The following OR1B1 variants were observed in gnomAD, a reference collection of about 807,000 sequenced individuals.
The protein encoded by OR1B1 is olfactory receptor family 1 subfamily B member 1.
For missense variants in OR1B1, 414 were observed against 402.1 expected (o/e 1.03, Z -0.25); for synonymous variants, 168 against 156.2 (o/e 1.08, Z -0.57).
chr9:122,647,820 G>T, the OR1B1 span, among the ~76,000 whole-genome samples: 1 of 152,206 alleles, frequency 6.6e-6, no homozygotes, highest in African/African-American at 2.4e-5. Context: ...AAGCACTCAA[G>T]AAAGAATGGC....
the OR1B1 span, among the ~76,000 whole-genome samples, chr9:122,654,142 T>C: frequency 3.4e-4 from 51 of 152,194 alleles, no homozygotes; most frequent in Non-Finnish European, 6.2e-4. Context: ...TAAATAATTA[T>C]GTACCTAATG....
the OR1B1 span, chr9:122,637,325 C>T: frequency 3.3e-5 from 5 of 152,174 alleles, no homozygotes; most frequent in Non-Finnish European, 5.9e-5. Context: ...CATTTGAGAC[C>T]ACCTATAGGT....
chr9:122,656,499 A>G, the OR1B1 span, among the ~76,000 whole-genome samples: 1 of 151,922 alleles, frequency 6.6e-6, no homozygotes, highest in Non-Finnish European at 1.5e-5. Context: ...AAAAAAAAAA[A>G]TGAGTCTGAC....
At chr9:122,632,538 G>T (rs534823885), upstream of OR1B1, among the ~76,000 whole-genome samples, 2 of 152,254 alleles carry the variant, frequency 1.3e-5, no homozygotes, top group East Asian at 1.9e-4. Context: ...AGTATACACA[G>T]CACCCAATTT....
chr9:122,645,254 A>G, the OR1B1 span, among the ~76,000 whole-genome samples: 1 of 152,044 alleles, frequency 6.6e-6, no homozygotes, highest in Non-Finnish European at 1.5e-5. Context: ...AGACAAAAGA[A>G]AAAAAAACAG....
At chr9:122,632,946 T>C (rs1186942879), upstream of OR1B1, among the ~76,000 whole-genome samples, 3 of 152,136 alleles carry the variant, frequency 2.0e-5, no homozygotes, top group African/African-American at 4.8e-5. Context: ...CTCACAATCA[T>C]GGCAGAAGTT....
At chr9:122,644,563 A>G in the OR1B1 span, among the ~76,000 whole-genome samples, 1 of 152,230 alleles carries the variant, frequency 6.6e-6, no homozygotes, top group African/African-American at 2.4e-5. Flanking sequence ...CCCTTGGCAC[A>G]ATCCCAGTGG....
At chr9:122,651,506 C>G in the OR1B1 span, among the ~76,000 whole-genome samples, 1 of 152,076 alleles carries the variant, frequency 6.6e-6, no homozygotes, top group African/African-American at 2.4e-5. Flanking sequence ...GTCCTCTGTT[C>G]TACTTTTTAT....
At chr9:122,656,458 C>T in the OR1B1 span, among the ~76,000 whole-genome samples, 10 of 151,920 alleles carry the variant, frequency 6.6e-5, no homozygotes, top group Admixed American at 5.9e-4. Flanking sequence ...GCTGTTATTG[C>T]AGGAATTATC....
chr9:122,641,679 T>C, the OR1B1 span, among the ~76,000 whole-genome samples: 1 of 152,176 alleles, frequency 6.6e-6, no homozygotes, highest in Non-Finnish European at 1.5e-5. Flanking sequence ...TCAAGAGACC[T>C]TTTATACAAC....
At chr9:122,629,345 A>G in exon 1 of OR1B1, 1 of 1,614,150 alleles carries the variant, frequency 6.2e-7, no homozygotes, top group South Asian at 1.1e-5. Flanking sequence ...GCCACGAAGC[A>G]GATAATACAT....
chr9:122,638,441 T>A, the OR1B1 span, among the ~76,000 whole-genome samples: 1 of 152,198 alleles, frequency 6.6e-6, no homozygotes, highest in Non-Finnish European at 1.5e-5. Flanking sequence ...ATAAGACTTT[T>A]ATTTTCTAGT....
At chr9:122,649,591 T>C in the OR1B1 span, among the ~76,000 whole-genome samples, 1,011 of 152,254 alleles carry the variant, frequency 6.6e-3, 13 homozygotes, top group African/African-American at 0.023. Flanking sequence ...GGGCAAAGGA[T>C]ATAAGCAGAC....
At chr9:122,654,180 A>G in the OR1B1 span, among the ~76,000 whole-genome samples, 2 of 152,238 alleles carry the variant, frequency 1.3e-5, no homozygotes, top group East Asian at 3.8e-4. Context: ...AGGATAAAAG[A>G]TAAGACATAA....
chr9:122,655,453 T>A, the OR1B1 span, among the ~76,000 whole-genome samples: 133 of 152,068 alleles, frequency 8.7e-4, no homozygotes, highest in African/African-American at 3.0e-3. Flanking sequence ...AACGATAGAT[T>A]GGATAAAGAA....
In OR1B1 at chr9:122,628,739, A is replaced by T. The variant is rs1428798923; in HGVS notation, c.797T>A (p.Phe266Tyr). Residue 266 changes from phenylalanine to tyrosine, a missense_variant, in exon 1 of 1, where the codon TTC (phenylalanine) becomes TAC (tyrosine). Coordinates refer to ENST00000623530, the Ensembl canonical transcript of OR1B1. Reference sequence around the variant, plus strand: ...CTGAGAGTTCTGGAAGGGAGGCTGGAAGTAGACACAAATGATGGTGCCGTA... The same window carrying T: ...CTGAGAGTTCTGGAAGGGAGGCTGGTAGTAGACACAAATGATGGTGCCGTA... 3.7e-6 allele frequency: 6 copies of T among 1,614,036 alleles called. No homozygotes were observed. In the Admixed American group the frequency reaches 1.0e-4, roughly 27 times the overall value.
chr9:122,656,792 C>T, the OR1B1 span, among the ~76,000 whole-genome samples: 1 of 152,124 alleles, frequency 6.6e-6, no homozygotes, highest in African/African-American at 2.4e-5. Context: ...CCAAACAGTA[C>T]TAAATCAAAA....
At chr9:122,639,206 C>T in the OR1B1 span, among the ~76,000 whole-genome samples, 1 of 152,092 alleles carries the variant, frequency 6.6e-6, no homozygotes, top group Non-Finnish European at 1.5e-5. Flanking sequence ...CTCTTCTTAA[C>T]ATGTTTATAT....
chr9:122,634,526 GGA>G (rs992891921), upstream of OR1B1, among the ~76,000 whole-genome samples: 1 of 152,066 alleles, frequency 6.6e-6, no homozygotes, highest in Admixed American at 6.6e-5. Flanking sequence ...CAAGGCAACA[GGA>G]GAGAGAAAAT....
Sources: allele counts gnomAD v4.1 joint callset (sites outside exome capture counted in the v4.1 genomes callset), GRCh38; gene constraint gnomAD v4.1.1; transcripts MANE v1.5; gene names NCBI Gene and HGNC (gene_info 2026-07-23, HGNC 2026-07-21).